The following CLPB variants were observed in gnomAD, a reference collection of about 807,000 sequenced individuals.
CLPB encodes the protein ClpB family mitochondrial disaggregase.
Under a neutral mutation model 78.4 loss-of-function variants are expected in CLPB, and 40 were observed. The observed-to-expected ratio is 0.51, with a 90% CI of 0.40 to 0.66. The LOEUF is 0.66. CLPB is among the 30% of genes least tolerant of loss of function. The pLI, the probability that CLPB is intolerant of heterozygous loss-of-function variation, is 0.00. For missense variants in CLPB, 780 were observed against 886.9 expected, an observed-to-expected ratio of 0.88 and a Z score of 1.53; for synonymous variants, 333 against 348.0, an observed-to-expected ratio of 0.96 and a Z score of 0.48.
At chr11:72,349,219 T>C (rs892807557) in intron 5 of CLPB, among the ~76,000 whole-genome samples, 2 of 152,170 alleles carry the variant, frequency 1.3e-5, no homozygotes, top group Non-Finnish European at 1.5e-5. Flanking sequence ...AGGGCTTGCT[T>C]GACAGCAAGG....
intron 2 of CLPB, among the ~76,000 whole-genome samples, chr11:72,407,689 C>T (rs1011876356): frequency 6.6e-6 from 1 of 151,536 alleles, no homozygotes; most frequent in African/African-American, 2.4e-5. Flanking sequence ...TTCTGTCGCC[C>T]AGGCTGGAGT....
At chr11:72,294,782 CCCTGGTCCTGTCCATCTGTGTGGT>C (rs1240046349) in intron 12 of CLPB, 89 bp from the exon 13 acceptor site, 23 of 1,073,684 alleles carry the variant, frequency 2.1e-5, no homozygotes, top group Non-Finnish European at 3.3e-5. Flanking sequence ...ATGGAAAGAG[CCCTGGTCCTGTCCATCTGTGTGGT>C]CCTGGTCAAG....
At chr11:72,381,201 C>T (rs972180620) in intron 3 of CLPB, among the ~76,000 whole-genome samples, 11 of 152,108 alleles carry the variant, frequency 7.2e-5, no homozygotes, top group Non-Finnish European at 1.5e-4. Context: ...GAACTCCAGG[C>T]GGTACACATG....
At chr11:72,392,178 C>G (rs954537305) in intron 3 of CLPB, among the ~76,000 whole-genome samples, 6 of 152,026 alleles carry the variant, frequency 3.9e-5, no homozygotes, top group Non-Finnish European at 8.8e-5. Flanking sequence ...GAAGAAGCTC[C>G]TCTAACTCCT....
chr11:72,381,190 C>A (rs971195296), intron 3 of CLPB, among the ~76,000 whole-genome samples: 1 of 152,184 alleles, frequency 6.6e-6, no homozygotes, highest in African/African-American at 2.4e-5. Flanking sequence ...CACCCCTCCC[C>A]GAACTCCAGG....
At chr11:72,358,072 G>A (rs1950754689) in intron 5 of CLPB, among the ~76,000 whole-genome samples, 3 of 152,336 alleles carry the variant, frequency 2.0e-5, no homozygotes, top group Non-Finnish European at 2.9e-5. Context: ...GGGATATGGG[G>A]AAGTGGGAAA....
At chr11:72,360,406 A>G (rs557219130) in intron 4 of CLPB, among the ~76,000 whole-genome samples, 25 of 152,262 alleles carry the variant, frequency 1.6e-4, no homozygotes, top group Non-Finnish European at 2.6e-4. Context: ...TAAAGTTCCA[A>G]AAGCCAGAAG....
At position 72,434,418 on chromosome 11, in the gene CLPB, C is replaced by G. The variant is rs112362953; in HGVS notation, c.57G>C (p.Arg19=). 1.8e-5 allele frequency: 28 copies of G among 1,594,282 alleles called. No homozygotes were observed. The highest frequency in any genetic ancestry group is 1.3e-4 in the African/African-American group (10 of 74,370). The change falls in exon 1 of 16, where the codon CGG becomes CGC. Residue 19 remains arginine, a synonymous_variant. Transcript: ENST00000538039. ...RKALAPRLLL[R]LLRSPTLRGH... ...CCCGGAGCGTTGGGGACCTGAGCAG[C>G]CGGAGGAGTAGCCGTGGCGCCAGTG...
At chr11:72,385,871 A>G (rs1442372599) in intron 3 of CLPB, among the ~76,000 whole-genome samples, 1 of 152,218 alleles carries the variant, frequency 6.6e-6, no homozygotes, top group Admixed American at 6.5e-5. Flanking sequence ...GCTACACAGT[A>G]TTCCACTATA....
chr11:72,417,633 T>C lies in CLPB; in HGVS notation c.455+12679A>G, dbSNP rs1046964907. Among the ~76,000 whole-genome samples the C allele has an allele frequency of 2.6e-5, 4 of 152,182 alleles. No individual in the cohort carries two copies. The East Asian group carries it at 7.7e-4, about 29-fold the overall frequency. ...ATACCTCAAAAGAAAAAAGAATGAA[T>C]GTATATTCAGTCAGAATCTGCCTAT... On this transcript the variant is annotated intron_variant, in intron 2 of 15. Coordinates refer to ENST00000538039, the MANE Select transcript of CLPB (RefSeq NM_001258392.3).
chr11:72,423,975 AT>A (rs1856286048), intron 2 of CLPB, among the ~76,000 whole-genome samples: 1 of 152,176 alleles, frequency 6.6e-6, no homozygotes, highest in Non-Finnish European at 1.5e-5. Flanking sequence ...CTTCAGTCTC[AT>A]TTACCAGAAG....
intron 3 of CLPB, among the ~76,000 whole-genome samples, chr11:72,391,459 C>A (rs921329704): frequency 1.3e-5 from 2 of 152,204 alleles, no homozygotes; most frequent in African/African-American, 4.8e-5. Flanking sequence ...GACTATGGGG[C>A]AAGGGCCATG....
intron 5 of CLPB, among the ~76,000 whole-genome samples, chr11:72,342,693 G>C (rs939482906): frequency 4.6e-5 from 7 of 152,140 alleles, no homozygotes; most frequent in African/African-American, 1.7e-4. Flanking sequence ...TCAGGCCTCT[G>C]CAGTCTTCCC....
intron 2 of CLPB, among the ~76,000 whole-genome samples, chr11:72,422,109 T>C (rs1208221485): frequency 6.7e-6 from 1 of 149,308 alleles, no homozygotes; most frequent in African/African-American, 2.5e-5. Flanking sequence ...CTACTAAAAA[T>C]ACAAAAAATT....
intron 15 of CLPB, among the ~76,000 whole-genome samples, 173 bp downstream of exon 15, chr11:72,293,849 A>G (rs1346390525): frequency 2.0e-5 from 3 of 152,164 alleles, no homozygotes; most frequent in Admixed American, 2.0e-4. Flanking sequence ...ACCCTCCAGC[A>G]GGGGTTTTAC....
chr11:72,297,158 A>C (rs926428888), intron 11 of CLPB, among the ~76,000 whole-genome samples: 3 of 152,260 alleles, frequency 2.0e-5, no homozygotes, highest in Non-Finnish European at 4.4e-5. Context: ...GAGAAAGCAC[A>C]GCTCCCGCCA....
At chr11:72,328,618 A>G (rs1362662044) in intron 6 of CLPB, among the ~76,000 whole-genome samples, 1 of 152,206 alleles carries the variant, frequency 6.6e-6, no homozygotes, top group Non-Finnish European at 1.5e-5. Flanking sequence ...GGGACCTGCC[A>G]CACTGAATCA....
intron 14 of CLPB, 34 bp downstream of exon 14, chr11:72,294,291 A>G (rs192182107): frequency 6.2e-7 from 1 of 1,614,090 alleles, no homozygotes; most frequent in Admixed American, 1.7e-5. Context: ...GTGGCTGGCT[A>G]TCCCGCCCCC....
chr11:72,417,977 G>A (rs1014380090), intron 2 of CLPB, among the ~76,000 whole-genome samples: 2 of 152,144 alleles, frequency 1.3e-5, no homozygotes, highest in East Asian at 1.9e-4. Context: ...CACAGGCTTC[G>A]CAGGAGGCCT....
Sources: gnomAD v4.1 joint callset for allele counts (sites outside exome capture counted in the v4.1 genomes callset) on GRCh38, gnomAD v4.1.1 for gene constraint, MANE v1.5 for transcripts, NCBI Gene and HGNC (gene_info 2026-07-23, HGNC 2026-07-21) for gene names.